VSX2: variants seen among roughly 807,000 people sequenced by gnomAD.
The protein encoded by VSX2 is visual system homeobox 2, also known as ceh-10 homeo domain containing homolog.
In VSX2, 28 loss-of-function variants were observed where a neutral mutation model predicts 32.1. The ratio of observed to expected loss-of-function variants is 0.87; its 90% CI spans 0.65 to 1.20. The LOEUF (loss-of-function observed/expected upper bound fraction) is 1.20. Among genes scored for constraint, VSX2 ranks in the 50% most tolerant of loss-of-function variants. The pLI, the probability that VSX2 is intolerant of heterozygous loss-of-function variation, is 0.00. For synonymous variants in VSX2, 243 were observed against 214.1 expected, an observed-to-expected ratio of 1.14 and a Z score of -1.18; for missense variants, 506 against 488.7, an observed-to-expected ratio of 1.04 and a Z score of -0.33.
At chr14:74,243,798 G>A (rs1032613499) in intron 2 of VSX2, among the ~76,000 whole-genome samples, 2 of 151,798 alleles carry the variant, frequency 1.3e-5, no homozygotes, top group Non-Finnish European at 2.9e-5. Context: ...TATCCCCCGA[G>A]ATATTAAAGT....
At chr14:74,252,204 C>G (rs1052409022) in intron 3 of VSX2, among the ~76,000 whole-genome samples, 4 of 152,172 alleles carry the variant, frequency 2.6e-5, no homozygotes, top group African/African-American at 9.7e-5. Flanking sequence ...TGATTGCCCA[C>G]GTCGAGAAAG....
rs781035795 is a variant in VSX2, at chr14:74,248,334, T to TAAAAAAAAA, written c.579+3055_579+3063dup. Among the ~76,000 whole-genome samples the TAAAAAAAAA allele has an allele frequency of 9.9e-4, 84 of 84,586 alleles. 1 individual carries two copies. The East Asian group carries it at 0.014, about 14-fold the overall frequency. The allele number at this position is 84,586 out of a possible 152,430, so 55.5% of individuals were successfully genotyped here. On this transcript the variant is annotated intron_variant, in intron 3 of 4. Transcript: ENST00000261980. Reference sequence around the variant, plus strand: ...TGAGCCCAGCAGTTTGAGACCAGGCTAAAAAAAAAAAAAAAAACAAAAAAA... The same window carrying TAAAAAAAAA: ...TGAGCCCAGCAGTTTGAGACCAGGCTAAAAAAAAAAAAAAAAAAAAAAAAAACAAAAAAA...
At chr14:74,245,414 A>C in intron 3 of VSX2, 126 bp downstream of exon 3, 1 of 1,348,536 alleles carries the variant, frequency 7.4e-7, no homozygotes, top group Non-Finnish European at 1.0e-6. Context: ...GCCTATGATC[A>C]TGTTCTCAGC....
At chr14:74,257,346 G>C (rs1008889796) in intron 3 of VSX2, among the ~76,000 whole-genome samples, 2 of 152,240 alleles carry the variant, frequency 1.3e-5, no homozygotes, top group African/African-American at 4.8e-5. Context: ...TTGCACCTGT[G>C]CTTCCCAGCC....
At chr14:74,259,966 G>A (rs556010617) in intron 4 of VSX2, among the ~76,000 whole-genome samples, 184 bp downstream of exon 4, 4 of 152,310 alleles carry the variant, frequency 2.6e-5, no homozygotes, top group African/African-American at 9.6e-5. Context: ...CTGGGGCCTG[G>A]TGTCTGTCAC....
intron 4 of VSX2, 151 bp from the exon 5 acceptor site, chr14:74,260,443 G>C (rs990165266): frequency 2.3e-6 from 2 of 863,616 alleles, no homozygotes; most frequent in East Asian, 2.6e-5. Flanking sequence ...CCCTGACCCT[G>C]GTCCAGCCCT....
chr14:74,249,704 C>G (rs1420818655), intron 3 of VSX2, among the ~76,000 whole-genome samples: 2 of 152,162 alleles, frequency 1.3e-5, no homozygotes, highest in African/African-American at 4.8e-5. Flanking sequence ...GCTACCGTGA[C>G]ATGAGATCCT....
intron 3 of VSX2, among the ~76,000 whole-genome samples, chr14:74,248,532 A>T (rs2079209284): frequency 6.6e-6 from 1 of 151,702 alleles, no homozygotes; most frequent in Non-Finnish European, 1.5e-5. Flanking sequence ...TACAAAAAAA[A>T]ATTTAAAAAT....
At chr14:74,258,098 T>C (rs1000530609) in intron 3 of VSX2, among the ~76,000 whole-genome samples, 4 of 151,772 alleles carry the variant, frequency 2.6e-5, no homozygotes, top group African/African-American at 7.3e-5. Flanking sequence ...CACCCAATTT[T>C]CCCCGTCTAA....
chr14:74,249,165 T>C (rs1353000942), intron 3 of VSX2, among the ~76,000 whole-genome samples: 1 of 152,232 alleles, frequency 6.6e-6, no homozygotes, highest in Admixed American at 6.5e-5. Flanking sequence ...GATAATAATA[T>C]TTTTTCATAA....
chr14:74,250,041 G>A (rs2079218941), intron 3 of VSX2, among the ~76,000 whole-genome samples: 1 of 152,134 alleles, frequency 6.6e-6, no homozygotes, highest in South Asian at 2.1e-4. Flanking sequence ...AGGAGTTTGA[G>A]ACCAGCCTGG....
rs150792267 is a variant in VSX2, at chr14:74,259,673, G to A, written c.651G>A (p.Ala217=). 1.5e-4 allele frequency: 244 copies of A among 1,614,086 alleles called. No individual in the cohort carries two copies. The highest frequency in any genetic ancestry group is 2.0e-4 in the Non-Finnish European group (231 of 1,180,020). Residue 217 remains alanine (A), a synonymous_variant, in exon 4 of 5, where the codon GCG becomes GCA. Coordinates refer to ENST00000261980, the MANE Select transcript of VSX2 (RefSeq NM_182894.3). The part of the protein sequence containing the change: ...EKCWGRSSVM[A]EYGLYGAMVR... ...GCTGGGGCCGGAGCAGTGTCATGGC[G>A]GAGTATGGGCTCTACGGGGCCATGG...
At chr14:74,255,932 A>C (rs2139643137) in intron 3 of VSX2, among the ~76,000 whole-genome samples, 1 of 152,306 alleles carries the variant, frequency 6.6e-6, no homozygotes. Context: ...CATGTACATA[A>C]ATGCTTTGCT....
At chr14:74,254,117 A>G (rs2079246781) in intron 3 of VSX2, among the ~76,000 whole-genome samples, 1 of 151,548 alleles carries the variant, frequency 6.6e-6, no homozygotes, top group South Asian at 2.1e-4. Flanking sequence ...TGTATTAGAA[A>G]TGTGGGGAGA....
rs566638460 is a variant in VSX2 at position 74,258,057 on chromosome 14, G to C, written c.580-1545G>C. 1.1e-3 allele frequency among the ~76,000 whole-genome samples: 169 copies of C among 152,282 alleles called. 1 individual carries two copies. Among genetic ancestry groups the C allele is most frequent in the African/African-American group, 3.7e-3 (153 of 41,568 alleles). On this transcript the variant is annotated intron_variant, in intron 3 of 4. Coordinates refer to ENST00000261980, the MANE Select transcript of VSX2 (RefSeq NM_182894.3). The stretch of plus-strand genomic sequence containing the variant: ...GGGCGGGGGCCGCGAGGGGCTGCCG[G>C]GGGGAAGGGGGAAAATCCTAAACAA...
chr14:74,251,174 G>T (rs2079226773), intron 3 of VSX2, among the ~76,000 whole-genome samples: 1 of 151,962 alleles, frequency 6.6e-6, no homozygotes, highest in East Asian at 2.0e-4. Context: ...ATTACGCCGG[G>T]TACGGTGGCT....
Position 74,239,879 on chromosome 14 carries a change from G to T in VSX2, c.318G>T (p.Gln106His). ...VLSDPQSVHL[Q>H]PLGRASGPLD... ...CCGACCCGCAGAGCGTCCACTTGCA[G>T]CCATTGGGCAGAGCATCGGGGCCGC... The change falls in exon 1 of 5, where the codon CAG (glutamine) becomes CAT (histidine). Residue 106 changes from glutamine (Q) to histidine (H), a missense_variant. By Grantham distance (24) the Gln-to-His change is conservative. Transcript: ENST00000261980. 6.3e-7 allele frequency: 1 copy of T among 1,576,188 alleles called. No individual in the cohort carries two copies.
intron 2 of VSX2, among the ~76,000 whole-genome samples, chr14:74,242,252 G>T (rs1594753538): frequency 6.6e-6 from 1 of 152,210 alleles, no homozygotes; most frequent in East Asian, 1.9e-4. Flanking sequence ...CCCATCAGGT[G>T]GGGCCGCCAC....
intron 3 of VSX2, among the ~76,000 whole-genome samples, chr14:74,254,871 CT>C (rs1843982442): frequency 6.7e-6 from 1 of 148,918 alleles, no homozygotes; most frequent in Non-Finnish European, 1.5e-5. Flanking sequence ...GCTCCACCTC[CT>C]GGGTTCACGC....
Sources: allele counts gnomAD v4.1 joint callset (sites outside exome capture counted in the v4.1 genomes callset), GRCh38; gene constraint gnomAD v4.1.1; transcripts MANE v1.5; gene names NCBI Gene and HGNC (gene_info 2026-07-23, HGNC 2026-07-21).